PTPN12: variants seen among roughly 807,000 people sequenced by gnomAD.
PTPN12 encodes the protein tyrosine-protein phosphatase non-receptor type 12.
Under a neutral mutation model 97.6 loss-of-function variants are expected in PTPN12, and 29 were observed. The observed-to-expected ratio is 0.30, with a 90% CI of 0.22 to 0.41. The LOEUF (loss-of-function observed/expected upper bound fraction) is 0.41. Ranked by LOEUF, PTPN12 falls within the 10% of genes least tolerant of loss-of-function variation. The probability of loss-of-function intolerance (pLI) is 1.00; values close to 1 mark genes in which losing one functional copy is unlikely to be tolerated. For synonymous variants in PTPN12, 327 were observed against 300.4 expected (o/e 1.09, Z -0.91); for missense variants, 819 against 926.0 (o/e 0.88, Z 1.50).
Position 77,585,535 on chromosome 7 carries a change from CT to C in PTPN12, c.382-3del. The C allele has an allele frequency of 6.2e-7, 1 of 1,605,040 alleles. No homozygotes were observed. On this transcript the variant is annotated splice_region_variant and splice_polypyrimidine_tract_variant and intron_variant, in intron 4 of 17. Coordinates refer to ENST00000248594, the MANE Select transcript of PTPN12 (RefSeq NM_002835.4). Reference sequence around the variant, plus strand: ...TTCTTTATCTCACTCCCCACCATCACTTTTTAGATCATTGTAATGGCCTGCC... The same window carrying C: ...TTCTTTATCTCACTCCCCACCATCACTTTTAGATCATTGTAATGGCCTGCC...
chr7:77,612,804 T>G (rs1285147567), intron 11 of PTPN12, among the ~76,000 whole-genome samples: 2 of 151,598 alleles, frequency 1.3e-5, no homozygotes, highest in Non-Finnish European at 2.9e-5. Flanking sequence ...GTTTTTTTTT[T>G]GATGACGAAG....
At chr7:77,592,339 A>G (rs1787895690) in intron 6 of PTPN12, 83 bp downstream of exon 6, 3 of 1,201,280 alleles carry the variant, frequency 2.5e-6, no homozygotes, top group Non-Finnish European at 3.5e-6. Context: ...TGTGGTATGA[A>G]CCCAGGCTTA....
chr7:77,548,744 A>G (rs1440078418), intron 1 of PTPN12, among the ~76,000 whole-genome samples: 1 of 152,230 alleles, frequency 6.6e-6, no homozygotes, highest in Non-Finnish European at 1.5e-5. Flanking sequence ...ACTTCCAAAA[A>G]GTAGCTTAAG....
At chr7:77,547,349 G>A (rs1217996793) in intron 1 of PTPN12, among the ~76,000 whole-genome samples, 1 of 152,094 alleles carries the variant, frequency 6.6e-6, no homozygotes, top group Non-Finnish European at 1.5e-5. Flanking sequence ...GCAGTGGGTG[G>A]GCTTCAGGGG....
At chr7:77,601,324 A>G (rs967649481) in intron 8 of PTPN12, among the ~76,000 whole-genome samples, 6 of 152,120 alleles carry the variant, frequency 3.9e-5, no homozygotes, top group Middle Eastern at 3.2e-3. Flanking sequence ...CCAAGTAGCT[A>G]GGACTACAGG....
chr7:77,580,820 C>A (rs569381502), intron 2 of PTPN12, among the ~76,000 whole-genome samples: 5 of 152,002 alleles, frequency 3.3e-5, no homozygotes, highest in Admixed American at 3.3e-4. Context: ...ATGAAAGTTA[C>A]ATTTTTTAAA....
intron 11 of PTPN12, among the ~76,000 whole-genome samples, chr7:77,613,711 A>C (rs1169169158): frequency 6.6e-6 from 1 of 151,816 alleles, no homozygotes; most frequent in Non-Finnish European, 1.5e-5. Flanking sequence ...AAAAAAGATT[A>C]GCCTCCCAGA....
At chr7:77,541,614 A>G (rs1052293204) in intron 1 of PTPN12, among the ~76,000 whole-genome samples, 6 of 152,186 alleles carry the variant, frequency 3.9e-5, no homozygotes, top group Non-Finnish European at 8.8e-5. Context: ...AGTTTATACA[A>G]CTGTCATAAT....
At chr7:77,582,898 A>G (rs554211203) in intron 3 of PTPN12, among the ~76,000 whole-genome samples, 1 of 152,352 alleles carries the variant, frequency 6.6e-6, no homozygotes, top group African/African-American at 2.4e-5. Context: ...AAATGAATAC[A>G]TTAAATAAAA....
intron 16 of PTPN12, among the ~76,000 whole-genome samples, chr7:77,637,857 CA>C (rs754983873): frequency 0.021 from 1,176 of 55,624 alleles, 5 homozygotes; most frequent in Middle Eastern, 0.052. Context: ...AACTCCGTCT[CA>C]AAAAAAAAAA....
chr7:77,566,709 G>A (rs1253214734), intron 1 of PTPN12, among the ~76,000 whole-genome samples: 3 of 152,192 alleles, frequency 2.0e-5, no homozygotes, highest in Non-Finnish European at 2.9e-5. Flanking sequence ...GGGCAACAGA[G>A]TGAGTCCCTG....
intron 1 of PTPN12, among the ~76,000 whole-genome samples, chr7:77,549,927 C>T (rs1331987506): frequency 1.3e-5 from 2 of 152,116 alleles, no homozygotes; most frequent in Non-Finnish European, 2.9e-5. Context: ...ACTCCCTGAT[C>T]ATATGTCAGA....
chr7:77,597,800 T>A, intron 6 of PTPN12, 42 bp from the exon 7 acceptor site: 1 of 1,588,218 alleles, frequency 6.3e-7, no homozygotes, highest in Non-Finnish European at 8.5e-7. Flanking sequence ...GTCTTTTTGT[T>A]TTAACGTTTT....
intron 11 of PTPN12, 138 bp downstream of exon 11, chr7:77,611,184 C>T: frequency 4.7e-6 from 3 of 633,942 alleles, no homozygotes; most frequent in Non-Finnish European, 8.3e-6. Context: ...TACTTAAACT[C>T]ATTTCCTTCT....
chr7:77,559,907 G>C (rs117776740), intron 1 of PTPN12, among the ~76,000 whole-genome samples: 1,856 of 152,272 alleles, frequency 0.012, 14 homozygotes, highest in Middle Eastern at 0.034. Context: ...GGTAGTGATG[G>C]GATAAAATGT....
intron 1 of PTPN12, among the ~76,000 whole-genome samples, chr7:77,540,587 A>C (rs1806920891): frequency 6.6e-6 from 1 of 150,750 alleles, no homozygotes; most frequent in African/African-American, 2.4e-5. Flanking sequence ...CATGATACCT[A>C]GGTATAGCTA....
chr7:77,553,763 C>G (rs577819027), intron 1 of PTPN12, among the ~76,000 whole-genome samples: 1 of 152,102 alleles, frequency 6.6e-6, no homozygotes, highest in African/African-American at 2.4e-5. Flanking sequence ...ACATTTAGAC[C>G]ATTCACGTTC....
At chr7:77,567,133 G>A (rs1205072343) in intron 1 of PTPN12, among the ~76,000 whole-genome samples, 3 of 149,928 alleles carry the variant, frequency 2.0e-5, no homozygotes, top group Non-Finnish European at 4.4e-5. Context: ...GTTTCATAGA[G>A]TTTAAATGAA....
In PTPN12 at chr7:77,537,498, G is replaced by A. The variant is rs1432696840; in HGVS notation, c.-49G>A. ...AGACGGAGCGGGCTCTGTGCCGGGC[G>A]GGCGGGCGGCGGGGGGGCCAGCGAC... On this transcript the variant is annotated 5_prime_UTR_variant, in exon 1 of 18. Transcript: ENST00000248594. 1.3e-6 allele frequency: 2 copies of A among 1,534,636 alleles called. No homozygotes were observed. Among genetic ancestry groups the A allele is most frequent in the Non-Finnish European group, 1.8e-6 (2 of 1,141,370 alleles).
Sources: gnomAD v4.1 joint callset for allele counts (sites outside exome capture counted in the v4.1 genomes callset) on GRCh38, gnomAD v4.1.1 for gene constraint, MANE v1.5 for transcripts, NCBI Gene and HGNC (gene_info 2026-07-23, HGNC 2026-07-21) for gene names.